TJP1: variants seen among roughly 807,000 people sequenced by gnomAD.
TJP1 encodes tight junction protein 1.
TJP1 carries 43 observed loss-of-function variants against 194.2 expected under a neutral mutation model. The observed-to-expected ratio is 0.22, with a 90% CI of 0.17 to 0.29. The LOEUF (loss-of-function observed/expected upper bound fraction) is 0.29, where lower values mean the gene tolerates loss of function less well. Among genes scored for constraint, TJP1 ranks in the 10% least tolerant of loss-of-function variants. The pLI, the probability that TJP1 is intolerant of heterozygous loss-of-function variation, is 1.00. For synonymous variants in TJP1, 801 were observed against 779.0 expected (o/e 1.03, Z -0.47); for missense variants, 1,971 against 2,185.7 (o/e 0.90, Z 1.96).
At chr15:29,874,858 T>C (rs779998282) in intron 2 of TJP1, among the ~76,000 whole-genome samples, 2 of 152,208 alleles carry the variant, frequency 1.3e-5, no homozygotes, top group Non-Finnish European at 2.9e-5. Flanking sequence ...CTAATTGATT[T>C]TGACATGCAC....
intron 1 of TJP1, among the ~76,000 whole-genome samples, chr15:29,959,049 G>A (rs1400618932): frequency 2.0e-5 from 3 of 151,726 alleles, no homozygotes; most frequent in Non-Finnish European, 4.4e-5. Flanking sequence ...GAGTGCAGCG[G>A]CGCGATCTCA....
rs2043751444 is a variant in TJP1 at position 29,732,774 on chromosome 15, G to A, written c.1778C>T (p.Thr593Ile). The A allele has an allele frequency of 3.1e-6, 5 of 1,613,838 alleles. No homozygotes were observed. The highest frequency in any genetic ancestry group is 4.5e-5 in the East Asian group (2 of 44,870). ...LASVQYTLPK[T>I]AGGDRADFWR... Reference sequence around the variant, plus strand: ...GAAGTCAGCACGGTCTCCGCCTGCTGTTTTTGGAAGTGTATACTGTACACT... The same window carrying A: ...GAAGTCAGCACGGTCTCCGCCTGCTATTTTTGGAAGTGTATACTGTACACT... The change falls in exon 14 of 28, where the codon ACA becomes ATA. Residue 593 changes from threonine to isoleucine, a missense_variant. Coordinates refer to ENST00000614355, the MANE Select transcript of TJP1 (RefSeq NM_001330239.4).
At chr15:29,954,515 T>C (rs2055868396) in intron 2 of TJP1, among the ~76,000 whole-genome samples, 1 of 152,230 alleles carries the variant, frequency 6.6e-6, no homozygotes, top group African/African-American at 2.4e-5. Context: ...TGTTTCACTT[T>C]TGAAAAGCAA....
At chr15:29,728,273 AT>A (rs143504625) in intron 15 of TJP1, 3 of 366,512 alleles carry the variant, frequency 8.2e-6, no homozygotes, top group South Asian at 4.9e-5. Context: ...AGGAATGCAC[AT>A]TTTTTTCTTT....
At chr15:29,846,768 A>G (rs968499541) in intron 2 of TJP1, among the ~76,000 whole-genome samples, 9 of 152,062 alleles carry the variant, frequency 5.9e-5, no homozygotes, top group African/African-American at 1.4e-4. Flanking sequence ...TACTAAAAAT[A>G]CAAAAAAGTT....
At chr15:29,724,920 G>C (rs2043151464) in intron 18 of TJP1, among the ~76,000 whole-genome samples, 1 of 152,106 alleles carries the variant, frequency 6.6e-6, no homozygotes, top group Non-Finnish European at 1.5e-5. Context: ...AGAAAATTAA[G>C]ATTTGTGGAT....
chr15:29,923,538 A>G (rs1346325440), intron 2 of TJP1, among the ~76,000 whole-genome samples: 1 of 152,220 alleles, frequency 6.6e-6, no homozygotes, highest in South Asian at 2.1e-4. Flanking sequence ...AACAGCATGC[A>G]AAGTCAAAGA....
chr15:29,790,756 T>C (rs892564882), intron 2 of TJP1, among the ~76,000 whole-genome samples: 4 of 151,446 alleles, frequency 2.6e-5, no homozygotes, highest in Admixed American at 2.0e-4. Context: ...TTTTTCTTTT[T>C]TTTTTTTTTT....
intron 18 of TJP1, among the ~76,000 whole-genome samples, chr15:29,722,978 G>A (rs998185889): frequency 1.3e-5 from 2 of 152,196 alleles, no homozygotes; most frequent in Admixed American, 1.3e-4. Context: ...TTTTGAAAAG[G>A]GAGTATTTAC....
intron 2 of TJP1, among the ~76,000 whole-genome samples, chr15:29,782,883 C>A (rs1419670649): frequency 1.5e-4 from 14 of 90,360 alleles, no homozygotes; most frequent in African/African-American, 6.2e-4. Context: ...AGGACAAGAA[C>A]AGACACTTTT....
intron 2 of TJP1, among the ~76,000 whole-genome samples, chr15:29,926,659 T>C (rs1204166360): frequency 2.0e-5 from 3 of 151,876 alleles, no homozygotes; most frequent in African/African-American, 7.3e-5. Flanking sequence ...TGAATTAATA[T>C]GTGTGACGGA....
intron 25 of TJP1, among the ~76,000 whole-genome samples, chr15:29,706,097 A>G (rs887945661): frequency 6.6e-6 from 1 of 152,038 alleles, no homozygotes; most frequent in Non-Finnish European, 1.5e-5. Flanking sequence ...AAGCCTGGCT[A>G]ATTTTTGTAT....
At chr15:29,817,681 G>A (rs2050022104) in intron 1 of TJP1, among the ~76,000 whole-genome samples, 2 of 152,160 alleles carry the variant, frequency 1.3e-5, no homozygotes, top group Non-Finnish European at 2.9e-5. Context: ...CATGTCCTTT[G>A]CAGGGACACG....
intron 2 of TJP1, among the ~76,000 whole-genome samples, chr15:29,863,688 C>T (rs2052184244): frequency 6.6e-6 from 1 of 152,122 alleles, no homozygotes; most frequent in African/African-American, 2.4e-5. Context: ...AGCACATGTA[C>T]TCTCAGCACA....
chr15:29,922,031 G>C (rs1470097788), intron 2 of TJP1, among the ~76,000 whole-genome samples: 1 of 152,004 alleles, frequency 6.6e-6, no homozygotes, highest in Non-Finnish European at 1.5e-5. Context: ...GTTTTTAGTA[G>C]AGACGGGGTT....
Position 29,732,725 on chromosome 15 carries a change from G to C in TJP1, c.1827C>G (p.Ser609Arg), listed in dbSNP as rs1418297405. ...TGCTTTTTCGAAGATTTCTCTTGGAGCTGCGAAGACCTCTGAATCTCCAGA... is the reference window on the plus strand; with the variant it reads ...TGCTTTTTCGAAGATTTCTCTTGGACCTGCGAAGACCTCTGAATCTCCAGA... ...ADFWRFRGLR[S>R]SKRNLRKSRE... The change falls in exon 14 of 28, where the codon AGC (serine) becomes AGG (arginine). Residue 609 changes from serine (S) to arginine (R), a missense_variant. Ser to Arg is a moderately radical substitution (Grantham distance 110). Coordinates refer to ENST00000614355, the MANE Select transcript of TJP1 (RefSeq NM_001330239.4). 6.2e-7 allele frequency: 1 copy of C among 1,614,188 alleles called. No individual in the cohort carries two copies. Among genetic ancestry groups the C allele is most frequent in the Non-Finnish European group, 8.5e-7 (1 of 1,180,042 alleles).
chr15:29,927,652 A>G (rs1170746470), intron 2 of TJP1, among the ~76,000 whole-genome samples: 10 of 152,214 alleles, frequency 6.6e-5, no homozygotes, highest in African/African-American at 2.4e-4. Flanking sequence ...AGAATGGCCA[A>G]GCCAAGATAC....
chr15:29,784,676 C>T (rs1260634620), intron 2 of TJP1, among the ~76,000 whole-genome samples: 1 of 152,092 alleles, frequency 6.6e-6, no homozygotes. Context: ...CATGCAAGAA[C>T]ACAGGAAATA....
intron 16 of TJP1, 129 bp downstream of exon 16, chr15:29,727,808 G>A (rs1029645593): frequency 2.1e-5 from 14 of 671,508 alleles, no homozygotes; most frequent in South Asian, 2.0e-5. Flanking sequence ...TTTCAGTAAG[G>A]GCTTAATTTT....
Sources: gnomAD v4.1 joint callset for allele counts (sites outside exome capture counted in the v4.1 genomes callset) on GRCh38, gnomAD v4.1.1 for gene constraint, MANE v1.5 for transcripts, NCBI Gene and HGNC (gene_info 2026-07-23, HGNC 2026-07-21) for gene names.